ENTPD7: variants seen among roughly 807,000 people sequenced by gnomAD.
The protein encoded by ENTPD7 is ectonucleoside triphosphate diphosphohydrolase 7, also known as NTPDase 7.
In ENTPD7, 53 loss-of-function variants were observed where a neutral mutation model predicts 77.9. That is an observed-to-expected ratio of 0.68 (90% CI 0.55 to 0.85). The LOEUF (loss-of-function observed/expected upper bound fraction) is 0.85, where lower values mean the gene tolerates loss of function less well. Ranked by LOEUF, ENTPD7 falls within the 40% of genes least tolerant of loss-of-function variation. The probability of loss-of-function intolerance (pLI) is 0.00; values close to 1 mark genes in which losing one functional copy is unlikely to be tolerated. For synonymous variants in ENTPD7, 248 were observed against 274.9 expected, an observed-to-expected ratio of 0.90 and a Z score of 0.97; for missense variants, 636 against 743.7, an observed-to-expected ratio of 0.86 and a Z score of 1.68.
chr10:99,691,155 TA>T (rs199637784), intron 7 of ENTPD7, among the ~76,000 whole-genome samples: 41 of 150,902 alleles, frequency 2.7e-4, no homozygotes, highest in African/African-American at 5.8e-4. Flanking sequence ...CCCAGCTAAT[TA>T]AAAAAAATTT....
chr10:99,681,522 G>A (rs770934405), intron 5 of ENTPD7, among the ~76,000 whole-genome samples: 3 of 152,028 alleles, frequency 2.0e-5, no homozygotes, highest in Non-Finnish European at 4.4e-5. Flanking sequence ...GGCTCAAGCA[G>A]TCTGCACGTC....
chr10:99,659,810 G>C lies in ENTPD7; in HGVS notation c.-95-52G>C. 3.6e-6 allele frequency: 4 copies of C among 1,104,376 alleles called. No individual in the cohort carries two copies. Among genetic ancestry groups the C allele is most frequent in the East Asian group, 2.6e-5 (1 of 38,066 alleles). 68.4% of individuals were successfully genotyped at this position (1,104,376 alleles called of 1,614,324 possible). A position where few individuals can be genotyped will look rare whatever the true frequency, so the allele number is the denominator to read the frequency against. On this transcript the variant is annotated intron_variant, in intron 1 of 12. Transcript: ENST00000370489. The surrounding 1 kb of genome is among the most constrained non-coding windows in gnomAD (Gnocchi z 4.1). ...GTGGGAGCCGTGGAATTCCCGTGCA[G>C]GTTTGTCTCGTGGGCTCAGTCGGAC... is the stretch of plus-strand genomic sequence containing the variant.
chr10:99,703,109 T>C (rs1590065701), intron 12 of ENTPD7, among the ~76,000 whole-genome samples: 1 of 152,338 alleles, frequency 6.6e-6, no homozygotes, highest in East Asian at 1.9e-4. Context: ...ATTGTGTCAT[T>C]GACTTAGAAG....
chr10:99,682,736 T>C (rs540791865), intron 5 of ENTPD7, among the ~76,000 whole-genome samples: 1 of 152,364 alleles, frequency 6.6e-6, no homozygotes, highest in South Asian at 2.1e-4. Flanking sequence ...ATATTCATAT[T>C]GTTCAAAAAT....
At position 99,702,053 on chromosome 10, in the gene ENTPD7, A is replaced by C. The variant is rs1002401394; in HGVS notation, c.1422-459A>C. Among the ~76,000 whole-genome samples, 24 of 152,184 alleles carry C rather than the reference A, an allele frequency of 1.6e-4. No homozygotes were observed. In the East Asian group the frequency reaches 4.5e-3, roughly 28 times the overall value. On this transcript the variant is annotated intron_variant, in intron 11 of 12. Transcript: ENST00000370489. ...GACAGAGTGAGACTCTGTCTCAAAAAAAAACAAAAATTGTTTTAACATAAA... is the reference window on the plus strand; with the variant it reads ...GACAGAGTGAGACTCTGTCTCAAAACAAAACAAAAATTGTTTTAACATAAA...
At position 99,711,101 on chromosome 10, in the gene ENTPD7, C is replaced by CA. The variant is rs11405417; in HGVS notation, c.*6426dup. 0.85 allele frequency: 829,605 copies of CA among 975,856 alleles called. 352,993 individuals carry two copies. The highest frequency in any genetic ancestry group is 0.89 in the Middle Eastern group (1,695 of 1,902). 60.4% of individuals were successfully genotyped at this position (975,856 alleles called of 1,614,324 possible). ...GGGAGTGCTGGGAATAACATAAATA[C>CA]AAAAAAAACCCTAAGATAATCATTC... On this transcript the variant is annotated 3_prime_UTR_variant, in exon 13 of 13. Coordinates refer to ENST00000370489, the MANE Select transcript of ENTPD7 (RefSeq NM_020354.5).
chr10:99,696,053 G>C lies in ENTPD7; in HGVS notation c.941G>C (p.Gly314Ala). 1 of 1,614,144 alleles carries C rather than the reference G, an allele frequency of 6.2e-7. No homozygotes were observed. The highest frequency in any genetic ancestry group is 8.5e-7 in the Non-Finnish European group (1 of 1,180,008). ...VYRVYVTTFL[G>A]FGGNFARQRY... ...AGGGTTTATGTCACAACTTTTCTGG[G>C]TTTCGGAGGCAACTTTGCCCGGCAG... The change falls in exon 9 of 13, where the codon GGT (glycine) becomes GCT (alanine). Residue 314 changes from glycine to alanine, a missense_variant. Gly to Ala is a moderately conservative substitution (Grantham distance 60). Around this residue, in one of 3 missense-constraint regions of ENTPD7, gnomAD observed 486 missense variants for 556.5 expected, o/e 0.87. Coordinates refer to ENST00000370489, the MANE Select transcript of ENTPD7 (RefSeq NM_020354.5).
intron 8 of ENTPD7, 47 bp from the exon 9 acceptor site, chr10:99,695,909 G>A: frequency 2.6e-6 from 4 of 1,565,414 alleles, no homozygotes; most frequent in Non-Finnish European, 3.5e-6. Context: ...CTTTCTAGAA[G>A]GCAACCAAAA....
Position 99,701,371 on chromosome 10 carries a change from T to C in ENTPD7, c.1421+313T>C, listed in dbSNP as rs187412657. Among the ~76,000 whole-genome samples the C allele has an allele frequency of 4.5e-3, 688 of 151,614 alleles. 5 individuals carry two copies. The highest frequency in any genetic ancestry group is 0.015 in the South Asian group (74 of 4,788). On this transcript the variant is annotated intron_variant, in intron 11 of 12. Coordinates refer to ENST00000370489, the MANE Select transcript of ENTPD7 (RefSeq NM_020354.5). Reference sequence around the variant, plus strand: ...GGCATGATCTTAGCTCACTGCAACCTCCGCCTCCTGGGTTCCAGCGATTCT... The same window carrying C: ...GGCATGATCTTAGCTCACTGCAACCCCCGCCTCCTGGGTTCCAGCGATTCT...
At chr10:99,692,564 G>A (rs1256749571) in intron 8 of ENTPD7, among the ~76,000 whole-genome samples, 3 of 150,120 alleles carry the variant, frequency 2.0e-5, no homozygotes, top group African/African-American at 7.4e-5. Flanking sequence ...GCTGAGGGAA[G>A]GCCACCTGCA....
chr10:99,689,121 AT>A (rs1333939290), intron 7 of ENTPD7, among the ~76,000 whole-genome samples: 3 of 152,184 alleles, frequency 2.0e-5, no homozygotes, highest in Non-Finnish European at 4.4e-5. Flanking sequence ...GTCAGTATGT[AT>A]CTACAACAGA....
chr10:99,692,485 T>C (rs544623796), intron 8 of ENTPD7, among the ~76,000 whole-genome samples: 7 of 151,690 alleles, frequency 4.6e-5, no homozygotes, highest in Non-Finnish European at 7.4e-5. Context: ...CCATTCTTGC[T>C]TCATGGAAGG....
In ENTPD7 at chr10:99,679,809, T is replaced by G; in HGVS notation, c.482T>G (p.Val161Gly). The stretch of plus-strand genomic sequence containing the variant: ...AGCTTTGCTGCTGCTCATGTGCCTG[T>G]GAAGAAGCACAAGGAGACCCCTCTT... ...LLSFAAAHVP[V>G]KKHKETPLYI... The change falls in exon 5 of 13, where the codon GTG becomes GGG. Residue 161 changes from valine to glycine, a missense_variant. Val to Gly is a moderately radical substitution (Grantham distance 109, BLOSUM62 -3). This residue lies in a region of ENTPD7 where 486 missense variants were observed against 556.5 expected (regional missense o/e 0.87). Transcript: ENST00000370489. 2 of 1,614,196 alleles carry G rather than the reference T, an allele frequency of 1.2e-6. No individual in the cohort carries two copies. Among genetic ancestry groups the G allele is most frequent in the Non-Finnish European group, 1.7e-6 (2 of 1,180,034 alleles).
At chr10:99,698,375 G>T (rs1250858504) in intron 9 of ENTPD7, among the ~76,000 whole-genome samples, 159 bp from the exon 10 acceptor site, 11 of 152,096 alleles carry the variant, frequency 7.2e-5, no homozygotes, top group Non-Finnish European at 1.6e-4. Flanking sequence ...ACTTGCTGAA[G>T]TTAAATGTTT....
intron 5 of ENTPD7, among the ~76,000 whole-genome samples, chr10:99,683,111 T>C (rs2035773045): frequency 6.6e-6 from 1 of 152,132 alleles, no homozygotes; most frequent in Admixed American, 6.5e-5. Flanking sequence ...TTAAAGAAAT[T>C]TGCCTTTTTT....
chr10:99,679,926 A>G (rs756725834), intron 5 of ENTPD7, 51 bp downstream of exon 5: 2 of 1,575,994 alleles, frequency 1.3e-6, no homozygotes, highest in Non-Finnish European at 1.7e-6. Context: ...CAAGAGATGA[A>G]AGGCCAGTTT....
chr10:99,678,581 C>T (rs1199286039), intron 3 of ENTPD7, among the ~76,000 whole-genome samples: 4 of 150,906 alleles, frequency 2.7e-5, no homozygotes, highest in African/African-American at 9.7e-5. Flanking sequence ...AATATAAATA[C>T]AAAACAAAAA....
In ENTPD7 at chr10:99,704,468, G is replaced by A. The variant is rs2036207369; in HGVS notation, c.1600G>A (p.Gly534Ser). ...FLPLRDLRQE[G>S]VRQAHGSWFR... ...CTTCCCTAGGGATCTTCGGCAGGAA[G>A]GTGTCCGACAAGCCCATGGTAGCTG... The change falls in exon 13 of 13, where the codon GGT (glycine) becomes AGT (serine). Residue 534 changes from glycine (G) to serine (S), a missense_variant. Transcript: ENST00000370489. 1 of 1,614,092 alleles carries A rather than the reference G, an allele frequency of 6.2e-7. No homozygotes were observed. The highest frequency in any genetic ancestry group is 1.3e-5 in the African/African-American group (1 of 74,938).
chr10:99,704,327 G>T, intron 12 of ENTPD7, 125 bp from the exon 13 acceptor site: 2 of 909,134 alleles, frequency 2.2e-6, no homozygotes, highest in Non-Finnish European at 3.4e-6. Flanking sequence ...TGTGGAGCTG[G>T]TGTCATAAAA....
Sources: allele counts gnomAD v4.1 joint callset (sites outside exome capture counted in the v4.1 genomes callset), GRCh38; gene constraint gnomAD v4.1.1; regional missense constraint gnomAD v4.1.1; non-coding constraint Gnocchi (gnomAD v3.1); transcripts MANE v1.5; gene names NCBI Gene and HGNC (gene_info 2026-07-23, HGNC 2026-07-21).